Variants in OXR1 observed in about 807,000 individuals in gnomAD.
The protein encoded by OXR1 is oxidation resistance protein 1.
A neutral mutation model predicts 104.6 loss-of-function variants in OXR1; 41 were observed. The observed-to-expected ratio is 0.39, with a 90% CI of 0.31 to 0.51. The LOEUF (loss-of-function observed/expected upper bound fraction) is 0.51. Among genes scored for constraint, OXR1 ranks in the 20% least tolerant of loss-of-function variants. The pLI is 0.77. For synonymous variants in OXR1, 348 were observed against 348.4 expected, an observed-to-expected ratio of 1.00 and a Z score of 0.01; for missense variants, 955 against 1,031.9, an observed-to-expected ratio of 0.93 and a Z score of 1.02.
chr8:106,593,366 A>G (rs1819254464), intron 3 of OXR1, among the ~76,000 whole-genome samples: 1 of 152,230 alleles, frequency 6.6e-6, no homozygotes, highest in African/African-American at 2.4e-5. Flanking sequence ...TAGAGATATC[A>G]TATAAAATAG....
chr8:106,504,602 A>G (rs909232941), intron 2 of OXR1, among the ~76,000 whole-genome samples: 7 of 152,186 alleles, frequency 4.6e-5, no homozygotes, highest in Admixed American at 3.9e-4. Flanking sequence ...CTATAGTTAC[A>G]TTACTGTCAC....
chr8:106,581,115 C>CA, intron 3 of OXR1: 1 of 1,254,960 alleles, frequency 8.0e-7, no homozygotes, highest in South Asian at 1.4e-5. Context: ...CAAAGACAGT[C>CA]TAGACTTAAA....
intron 14 of OXR1, among the ~76,000 whole-genome samples, chr8:106,740,946 T>A (rs1206385346): frequency 6.6e-6 from 1 of 152,106 alleles, no homozygotes; most frequent in African/African-American, 2.4e-5. Flanking sequence ...CAAGTTCAAG[T>A]CAGTTGTAAT....
intron 3 of OXR1, among the ~76,000 whole-genome samples, chr8:106,629,963 C>T (rs1316860648): frequency 6.6e-6 from 1 of 152,140 alleles, no homozygotes; most frequent in Non-Finnish European, 1.5e-5. Flanking sequence ...CTATAAAGTA[C>T]AATCTCTTTC....
chr8:106,280,047 A>G (rs556070723), intron 1 of OXR1, among the ~76,000 whole-genome samples: 118 of 152,280 alleles, frequency 7.7e-4, no homozygotes, highest in Admixed American at 2.2e-3. Context: ...ATTTTGACCA[A>G]TAGTCCTAAA....
intron 3 of OXR1, among the ~76,000 whole-genome samples, chr8:106,557,044 G>T (rs2130461079): frequency 6.6e-6 from 1 of 152,230 alleles, no homozygotes; most frequent in East Asian, 1.9e-4. Flanking sequence ...ACTCTTATAT[G>T]AATCTAATTC....
chr8:106,658,987 A>AT (rs1352711090), intron 3 of OXR1, among the ~76,000 whole-genome samples: 1 of 152,110 alleles, frequency 6.6e-6, no homozygotes, highest in Admixed American at 6.5e-5. Context: ...TCTGATTTTT[A>AT]TTTTTGTTAA....
At chr8:106,583,296 T>C (rs2130644096) in intron 3 of OXR1, among the ~76,000 whole-genome samples, 1 of 152,308 alleles carries the variant, frequency 6.6e-6, no homozygotes, top group South Asian at 2.1e-4. Context: ...CAAGCTAAAT[T>C]ACAAATTTAT....
At chr8:106,451,219 A>G (rs372702120) in intron 2 of OXR1, among the ~76,000 whole-genome samples, 2 of 152,196 alleles carry the variant, frequency 1.3e-5, no homozygotes, top group Non-Finnish European at 2.9e-5. Flanking sequence ...TACTCTGAAC[A>G]TTCCATTCTA....
chr8:106,588,807 C>G (rs1250571624), intron 3 of OXR1, among the ~76,000 whole-genome samples: 1 of 152,148 alleles, frequency 6.6e-6, no homozygotes, highest in Non-Finnish European at 1.5e-5. Context: ...CAAGCAATTT[C>G]TTTTAATATG....
At chr8:106,398,522 C>T (rs1191247562) in intron 2 of OXR1, among the ~76,000 whole-genome samples, 1 of 152,124 alleles carries the variant, frequency 6.6e-6, no homozygotes, top group African/African-American at 2.4e-5. Flanking sequence ...AGTCAGTGAT[C>T]ACAACCCTTT....
intron 2 of OXR1, among the ~76,000 whole-genome samples, chr8:106,405,233 G>A (rs189793666): frequency 1.6e-5 from 2 of 124,480 alleles, no homozygotes; most frequent in African/African-American, 7.1e-5. Flanking sequence ...GTGTGTGTGT[G>A]TGTGTGTATA....
intron 3 of OXR1, among the ~76,000 whole-genome samples, chr8:106,581,528 T>A (rs991174151): frequency 6.6e-6 from 1 of 152,116 alleles, no homozygotes; most frequent in Non-Finnish European, 1.5e-5. Context: ...TTTTAAACAT[T>A]TGTCTTATTT....
chr8:106,621,173 G>C (rs187280485), intron 3 of OXR1, among the ~76,000 whole-genome samples: 1 of 151,942 alleles, frequency 6.6e-6, no homozygotes, highest in Non-Finnish European at 1.5e-5. Flanking sequence ...TATTGAATTA[G>C]CAAGCCACAA....
At chr8:106,658,250 G>A in intron 3 of OXR1, 3 of 1,228,054 alleles carry the variant, frequency 2.4e-6, no homozygotes, top group Non-Finnish European at 3.0e-6. Flanking sequence ...GGGAGGCGGC[G>A]GTCGTGGCGC....
rs138038717 is a variant in OXR1, at chr8:106,360,267, A to T, written c.23+631A>T. On this transcript the variant is annotated intron_variant, in intron 2 of 16. Transcript: ENST00000517566. ...ATGAAGAACAATACTAGTAGGGATA[A>T]ATTTGAAGGTATTTTATTGAACTTT... is the stretch of plus-strand genomic sequence containing the variant. Among the ~76,000 whole-genome samples the T allele has an allele frequency of 3.2e-3, 490 of 152,282 alleles. 3 individuals are homozygous for T. Among genetic ancestry groups the T allele is most frequent in the African/African-American group, 0.011 (463 of 41,562 alleles).
At chr8:106,398,959 T>G (rs1040710788) in intron 2 of OXR1, among the ~76,000 whole-genome samples, 1 of 152,142 alleles carries the variant, frequency 6.6e-6, no homozygotes, top group Non-Finnish European at 1.5e-5. Context: ...TTCCCTAAAA[T>G]TTCTGTTTAA....
At chr8:106,569,873 T>C (rs1817351158) in intron 3 of OXR1, among the ~76,000 whole-genome samples, 1 of 152,272 alleles carries the variant, frequency 6.6e-6, no homozygotes, top group South Asian at 2.1e-4. Flanking sequence ...TCTCCCATTA[T>C]GGAATCAAAT....
chr8:106,680,286 A>G (rs537718513), intron 4 of OXR1, among the ~76,000 whole-genome samples: 1 of 152,246 alleles, frequency 6.6e-6, no homozygotes, highest in South Asian at 2.1e-4. Context: ...TGCATAATTG[A>G]GAAAATAAGT....
Sources: allele counts gnomAD v4.1 joint callset (sites outside exome capture counted in the v4.1 genomes callset), GRCh38; gene constraint gnomAD v4.1.1; transcripts MANE v1.5; gene names NCBI Gene and HGNC (gene_info 2026-07-23, HGNC 2026-07-21).